Variants in MAML3 observed in about 807,000 individuals in gnomAD.
The protein encoded by MAML3 is mastermind-like protein 3.
MAML3 carries 27 observed loss-of-function variants against 101.9 expected under a neutral mutation model. The observed-to-expected ratio is 0.27, with a 90% CI of 0.20 to 0.37. MAML3 has a LOEUF of 0.37. Among genes scored for constraint, MAML3 ranks in the 10% least tolerant of loss-of-function variants. The pLI is 1.00. For synonymous variants in MAML3, 501 were observed against 555.9 expected (o/e 0.90, Z 1.39); for missense variants, 1,316 against 1,444.9 (o/e 0.91, Z 1.45).
chr4:139,818,211 C>T (rs1730923081), intron 2 of MAML3, among the ~76,000 whole-genome samples: 1 of 152,216 alleles, frequency 6.6e-6, no homozygotes, highest in South Asian at 2.1e-4. Context: ...GAGAAACCTT[C>T]CTTGACTGGC....
chr4:140,024,561 C>A (rs899892572), intron 1 of MAML3, among the ~76,000 whole-genome samples: 1 of 152,102 alleles, frequency 6.6e-6, no homozygotes, highest in African/African-American at 2.4e-5. Flanking sequence ...CCACTGAGCC[C>A]GGCCCAGAGT....
intron 1 of MAML3, among the ~76,000 whole-genome samples, chr4:139,934,451 A>G (rs1488090446): frequency 6.6e-6 from 1 of 152,092 alleles, no homozygotes; most frequent in Non-Finnish European, 1.5e-5. Context: ...CATGTGCAAA[A>G]AACAACCCTG....
chr4:139,721,290 G>A (rs1453132), intron 4 of MAML3, among the ~76,000 whole-genome samples: 32,978 of 152,108 alleles, frequency 0.22, 3,717 homozygotes, highest in Admixed American at 0.26. Context: ...AACAGCCAAG[G>A]GAATGGAAAT....
chr4:140,040,627 C>T (rs949392071), intron 1 of MAML3, among the ~76,000 whole-genome samples: 3 of 152,086 alleles, frequency 2.0e-5, no homozygotes, highest in Admixed American at 2.0e-4. Flanking sequence ...ATACAGGGTA[C>T]GGTGATGAAC....
At chr4:139,725,124 A>C (rs1489609973) in intron 4 of MAML3, among the ~76,000 whole-genome samples, 1 of 152,162 alleles carries the variant, frequency 6.6e-6, no homozygotes. Flanking sequence ...TTTATAAAGG[A>C]GTGCCAACAC....
At position 139,978,194 on chromosome 4, in the gene MAML3, A is replaced by G. The variant is rs1482944292; in HGVS notation, c.469-87227T>C. On this transcript the variant is annotated intron_variant, in intron 1 of 4. Coordinates refer to ENST00000509479, the MANE Select transcript of MAML3 (RefSeq NM_018717.5). Reference sequence around the variant, plus strand: ...GAAGAATGGAGCCCAAGAAGGTTACAAAAAAAAGTCTTTGGACCAAAGTCT... The same window carrying G: ...GAAGAATGGAGCCCAAGAAGGTTACGAAAAAAAGTCTTTGGACCAAAGTCT... Among the ~76,000 whole-genome samples, 2 of 151,944 alleles carry G rather than the reference A, an allele frequency of 1.3e-5. 1 individual carries two copies. Among genetic ancestry groups the G allele is most frequent in the East Asian group, 3.9e-4 (2 of 5,172 alleles).
At chr4:139,818,082 G>T (rs1232570054) in intron 2 of MAML3, among the ~76,000 whole-genome samples, 2 of 152,194 alleles carry the variant, frequency 1.3e-5, no homozygotes, top group Non-Finnish European at 1.5e-5. Context: ...TAGGCCTGAG[G>T]TGGGACCTGA....
intron 1 of MAML3, among the ~76,000 whole-genome samples, chr4:140,096,818 A>G (rs1327847835): frequency 6.6e-6 from 1 of 152,194 alleles, no homozygotes; most frequent in Non-Finnish European, 1.5e-5. Context: ...ATACCGAGAG[A>G]GTTACATTCT....
At chr4:139,987,069 C>T (rs1276899866) in intron 1 of MAML3, among the ~76,000 whole-genome samples, 1 of 152,166 alleles carries the variant, frequency 6.6e-6, no homozygotes, top group African/African-American at 2.4e-5. Context: ...GTGTGAGAAA[C>T]GATCTGTGAG....
intron 2 of MAML3, among the ~76,000 whole-genome samples, chr4:139,752,351 A>C (rs1295451407): frequency 1.3e-5 from 2 of 152,356 alleles, no homozygotes; most frequent in Admixed American, 1.3e-4. Context: ...GCATGGGCGC[A>C]GGCCTGGGAC....
At chr4:139,910,391 C>T (rs1032043757) in intron 1 of MAML3, among the ~76,000 whole-genome samples, 1 of 152,232 alleles carries the variant, frequency 6.6e-6, no homozygotes, top group African/African-American at 2.4e-5. Flanking sequence ...TGCGATACTT[C>T]AGTCACTAGC....
chr4:139,776,277 C>T (rs1006334201), intron 2 of MAML3, among the ~76,000 whole-genome samples: 1 of 151,950 alleles, frequency 6.6e-6, no homozygotes, highest in Admixed American at 6.6e-5. Flanking sequence ...TAGGAAGAGC[C>T]GTAACATGCT....
chr4:140,099,497 C>T (rs1014192057), intron 1 of MAML3, among the ~76,000 whole-genome samples: 1 of 152,046 alleles, frequency 6.6e-6, no homozygotes, highest in African/African-American at 2.4e-5. Flanking sequence ...CTCCTGGGTT[C>T]CAGCAATCCT....
At chr4:140,098,761 C>T (rs2110992920) in intron 1 of MAML3, among the ~76,000 whole-genome samples, 1 of 152,328 alleles carries the variant, frequency 6.6e-6, no homozygotes, top group Non-Finnish European at 1.5e-5. Context: ...AAAAGCAGAG[C>T]CCTGGAGCCA....
intron 1 of MAML3, among the ~76,000 whole-genome samples, chr4:140,060,320 C>A (rs187623614): frequency 1.5e-5 from 2 of 135,052 alleles, no homozygotes; most frequent in African/African-American, 5.5e-5. Context: ...GAGCTGAGAT[C>A]GTGCCGTTGC....
At chr4:140,141,760 A>G (rs1229199375) in intron 1 of MAML3, among the ~76,000 whole-genome samples, 1 of 152,176 alleles carries the variant, frequency 6.6e-6, no homozygotes, top group Non-Finnish European at 1.5e-5. Context: ...AAAGACCAAC[A>G]CTAGTTACTA....
intron 1 of MAML3, among the ~76,000 whole-genome samples, chr4:139,944,439 T>C (rs1160667932): frequency 6.6e-6 from 1 of 152,174 alleles, no homozygotes; most frequent in Non-Finnish European, 1.5e-5. Flanking sequence ...GTTTGGTTTT[T>C]TGTTCTTGCG....
chr4:139,804,524 C>T (rs1322439139), intron 2 of MAML3, among the ~76,000 whole-genome samples: 1 of 152,072 alleles, frequency 6.6e-6, no homozygotes, highest in Non-Finnish European at 1.5e-5. Context: ...ACTTTGGCCT[C>T]CCAAAGTGCT....
chr4:139,787,155 G>T (rs748621731), intron 2 of MAML3, among the ~76,000 whole-genome samples: 1 of 152,182 alleles, frequency 6.6e-6, no homozygotes, highest in Non-Finnish European at 1.5e-5. Context: ...CTGCAGCAGC[G>T]CTCCGTCCTG....
Sources: allele counts gnomAD v4.1 joint callset (sites outside exome capture counted in the v4.1 genomes callset), GRCh38; gene constraint gnomAD v4.1.1; transcripts MANE v1.5; gene names NCBI Gene and HGNC (gene_info 2026-07-23, HGNC 2026-07-21).